The following SLCO1B3 variants were observed in gnomAD, a reference collection of about 807,000 sequenced individuals.
SLCO1B3 encodes the protein liver-specific organic anion transporter 2.
Under a neutral mutation model 71.8 loss-of-function variants are expected in SLCO1B3, and 72 were observed. That is an observed-to-expected ratio of 1.00 (90% confidence interval 0.83 to 1.22). The LOEUF is 1.22. Among genes scored for constraint, SLCO1B3 ranks in the 50% most tolerant of loss-of-function variants. The pLI is 0.00. For synonymous variants in SLCO1B3, 298 were observed against 278.4 expected (o/e 1.07, Z -0.70); for missense variants, 911 against 819.7 (o/e 1.11, Z -1.36).
In SLCO1B3 at chr12:20,916,482, A is replaced by C. The variant is rs932649930; in HGVS notation, c.*235A>C. On this transcript the variant is annotated 3_prime_UTR_variant, in exon 16 of 16. Transcript: ENST00000381545. Reference sequence around the variant, plus strand: ...ATGGTTAGTGTGTGATACAATAAAAAGTAATTGTTTGGTAGTTGTAACTGC... The same window carrying C: ...ATGGTTAGTGTGTGATACAATAAAACGTAATTGTTTGGTAGTTGTAACTGC... 7 of 321,862 alleles carry C rather than the reference A, an allele frequency of 2.2e-5. No individual in the cohort carries two copies. The Middle Eastern group carries it at 3.8e-3, about 174-fold the overall frequency. The allele number at this position is 321,862 out of a possible 1,614,324, so 19.9% of individuals were successfully genotyped here. A position where few individuals can be genotyped will look rare whatever the true frequency, so the allele number is the denominator to read the frequency against.
intron 6 of SLCO1B3, 116 bp downstream of exon 6, chr12:20,861,254 A>G: frequency 2.2e-6 from 2 of 922,572 alleles, no homozygotes; most frequent in Non-Finnish European, 3.2e-6. Context: ...AAGAACATTT[A>G]TCCCTTACAT....
At chr12:20,872,326 TC>T (rs1865490555) in intron 8 of SLCO1B3, among the ~76,000 whole-genome samples, 2 of 151,588 alleles carry the variant, frequency 1.3e-5, no homozygotes, top group Admixed American at 6.6e-5. Context: ...GGACAGCATT[TC>T]TAGACTTGCC....
intron 3 of SLCO1B3, among the ~76,000 whole-genome samples, chr12:20,837,762 A>G (rs1043746485): frequency 3.3e-5 from 5 of 152,132 alleles, no homozygotes; most frequent in African/African-American, 1.2e-4. Flanking sequence ...GTTCCATGTG[A>G]GCTTAAGAAT....
At chr12:20,889,094 G>GTT (rs34861372) in intron 13 of SLCO1B3, among the ~76,000 whole-genome samples, 419 of 143,296 alleles carry the variant, frequency 2.9e-3, no homozygotes, top group East Asian at 3.2e-3. Context: ...ATTTTCTAGA[G>GTT]TTTTTTTTTT....
rs149490730 is a variant in SLCO1B3, at chr12:20,819,756, T to G, written c.84+3934T>G. Among the ~76,000 whole-genome samples the G allele has an allele frequency of 1.6e-3, 244 of 152,246 alleles. 4 individuals carry two copies. In the East Asian group the frequency reaches 0.025, roughly 16 times the overall value. On this transcript the variant is annotated intron_variant, in intron 3 of 15. Coordinates refer to ENST00000381545, the MANE Select transcript of SLCO1B3 (RefSeq NM_019844.4). Reference sequence around the variant, plus strand: ...TTCAAAGCATGCTGTAATGGGATATTGGCACTGAGCGGGGTAAGGGTGATT... The same window carrying G: ...TTCAAAGCATGCTGTAATGGGATATGGGCACTGAGCGGGGTAAGGGTGATT...
intron 8 of SLCO1B3, among the ~76,000 whole-genome samples, chr12:20,863,261 G>T (rs189315032): frequency 6.6e-6 from 1 of 152,006 alleles, no homozygotes; most frequent in African/African-American, 2.4e-5. Context: ...TACGGCAGGG[G>T]TGGGTTAAGA....
At chr12:20,850,422 G>A (rs1002315014) in intron 3 of SLCO1B3, among the ~76,000 whole-genome samples, 1 of 151,838 alleles carries the variant, frequency 6.6e-6, no homozygotes, top group African/African-American at 2.4e-5. Context: ...TGGGACTGCA[G>A]GCACCCACCA....
At chr12:20,886,111 A>G (rs1157037270) in intron 13 of SLCO1B3, among the ~76,000 whole-genome samples, 1 of 152,074 alleles carries the variant, frequency 6.6e-6, no homozygotes, top group Non-Finnish European at 1.5e-5. Context: ...CATGTGACAA[A>G]GATAATTTAA....
chr12:20,830,287 T>C (rs1183168735), intron 3 of SLCO1B3, among the ~76,000 whole-genome samples: 1 of 152,138 alleles, frequency 6.6e-6, no homozygotes, highest in Admixed American at 6.5e-5. Context: ...TTAATCAATT[T>C]AGAAGTTTAT....
intron 3 of SLCO1B3, among the ~76,000 whole-genome samples, chr12:20,819,003 A>G (rs12422225): frequency 1.8e-4 from 27 of 152,248 alleles, no homozygotes; most frequent in Admixed American, 1.5e-3. Context: ...GAGGAAGAAA[A>G]TAGATTTTGG....
intron 3 of SLCO1B3, among the ~76,000 whole-genome samples, chr12:20,829,263 G>C (rs1297370537): frequency 6.6e-6 from 1 of 152,174 alleles, no homozygotes; most frequent in Non-Finnish European, 1.5e-5. Flanking sequence ...TAATTAAGGA[G>C]AATTTCCAAG....
At chr12:20,829,038 A>G (rs1004222269) in intron 3 of SLCO1B3, among the ~76,000 whole-genome samples, 1 of 152,204 alleles carries the variant, frequency 6.6e-6, no homozygotes, top group Non-Finnish European at 1.5e-5. Context: ...TCAACTCAGT[A>G]GCCTTTTTCC....
chr12:20,875,186 T>C (rs1394648080), intron 8 of SLCO1B3, 49 bp from the exon 9 acceptor site: 1 of 1,604,000 alleles, frequency 6.2e-7, no homozygotes, highest in Non-Finnish European at 8.5e-7. Context: ...CAGAACCTAC[T>C]GTATTTCAAA....
At position 20,916,277 on chromosome 12, in the gene SLCO1B3, T is replaced by C. The variant is rs1227100178; in HGVS notation, c.*30T>C. The C allele has an allele frequency of 1.3e-6, 2 of 1,599,106 alleles. No individual in the cohort carries two copies. Among genetic ancestry groups the C allele is most frequent in the Non-Finnish European group, 1.7e-6 (2 of 1,171,260 alleles). On this transcript the variant is annotated 3_prime_UTR_variant, in exon 16 of 16. Coordinates refer to ENST00000381545, the MANE Select transcript of SLCO1B3 (RefSeq NM_019844.4). Reference sequence around the variant, plus strand: ...GCATTGATTCATTAAGATGTTATTTTTGAGGTGTTCCTGGTCTTTCACTGA... The same window carrying C: ...GCATTGATTCATTAAGATGTTATTTCTGAGGTGTTCCTGGTCTTTCACTGA...
At chr12:20,846,131 TTCC>T (rs1328033189) in intron 3 of SLCO1B3, among the ~76,000 whole-genome samples, 1 of 152,188 alleles carries the variant, frequency 6.6e-6, no homozygotes, top group Non-Finnish European at 1.5e-5. Flanking sequence ...CATAGCTTAC[TTCC>T]TTTGGTAACA....
At chr12:20,883,687 C>T in intron 13 of SLCO1B3, 85 bp downstream of exon 13, 1 of 875,670 alleles carries the variant, frequency 1.1e-6, no homozygotes, top group South Asian at 1.8e-5. Flanking sequence ...ATTTTGAGCT[C>T]AAATTCATAT....
intron 3 of SLCO1B3, among the ~76,000 whole-genome samples, chr12:20,850,256 T>TTATTTTTA (rs1555154816): frequency 3.5e-5 from 5 of 143,040 alleles, no homozygotes; most frequent in Non-Finnish European, 7.5e-5. Context: ...ATTATTATTA[T>TTATTTTTA]TTTATTTATT....
At chr12:20,889,940 C>T (rs1486127013) in intron 13 of SLCO1B3, among the ~76,000 whole-genome samples, 2 of 149,272 alleles carry the variant, frequency 1.3e-5, no homozygotes, top group East Asian at 2.0e-4. Flanking sequence ...TTTTTGGGGA[C>T]AGAATCTCAC....
intron 14 of SLCO1B3, among the ~76,000 whole-genome samples, chr12:20,900,198 T>C (rs999663350): frequency 6.6e-5 from 10 of 152,188 alleles, no homozygotes; most frequent in African/African-American, 2.4e-4. Flanking sequence ...CAGTACCAGT[T>C]TGCTTCAGAT....
Sources: gnomAD v4.1 joint callset for allele counts (sites outside exome capture counted in the v4.1 genomes callset) on GRCh38, gnomAD v4.1.1 for gene constraint, MANE v1.5 for transcripts, NCBI Gene and HGNC (gene_info 2026-07-23, HGNC 2026-07-21) for gene names.